Variants in TRPM2 observed in about 807,000 individuals in gnomAD.
TRPM2 encodes the protein estrogen-responsive element-associated gene 1 protein.
Under a neutral mutation model 174.0 loss-of-function variants are expected in TRPM2, and 161 were observed. The observed-to-expected ratio is 0.93, with a 90% CI of 0.81 to 1.05. TRPM2 has a LOEUF of 1.05. Ranked by LOEUF, TRPM2 falls within the 50% of genes least tolerant of loss-of-function variation. TRPM2 has a pLI of 0.00. For missense variants in TRPM2, 2,057 were observed against 2,038.0 expected, an observed-to-expected ratio of 1.01 and a Z score of -0.18; for synonymous variants, 954 against 861.3, an observed-to-expected ratio of 1.11 and a Z score of -1.88.
In TRPM2 at chr21:44,440,810, G is replaced by C. The variant is rs373263494; in HGVS notation, c.4291G>C (p.Asp1431His). 2.6e-5 allele frequency: 42 copies of C among 1,613,722 alleles called. No homozygotes were observed. Among genetic ancestry groups the C allele is most frequent in the Non-Finnish European group, 3.3e-5 (39 of 1,179,962 alleles). ...GMEVYKGYMD[D>H]PRNTDNAWIE... ...CCAGGTGTACAAAGGCTACATGGAT[G>C]ACCCGAGGAACACGGACAATGCCTG... The change falls in exon 31 of 32, where the codon GAC (aspartate) becomes CAC (histidine). Residue 1431 changes from aspartate to histidine, a missense_variant. By Grantham distance (81) the Asp-to-His change is moderately conservative. Transcript: ENST00000397928.
At chr21:44,404,337 C>T (rs1397529406) in intron 16 of TRPM2, among the ~76,000 whole-genome samples, 1 of 152,032 alleles carries the variant, frequency 6.6e-6, no homozygotes, top group Non-Finnish European at 1.5e-5. Context: ...CACATGCATA[C>T]ACATACAAAT....
chr21:44,405,726 T>C (rs547552209), intron 17 of TRPM2, among the ~76,000 whole-genome samples, 179 bp from the exon 18 acceptor site: 1 of 152,154 alleles, frequency 6.6e-6, no homozygotes, highest in Admixed American at 6.5e-5. Context: ...TGAAGAAAAG[T>C]GGGAGGCTCT....
chr21:44,433,996 C>G (rs1030765074), intron 27 of TRPM2, among the ~76,000 whole-genome samples: 24 of 152,302 alleles, frequency 1.6e-4, no homozygotes, highest in African/African-American at 5.1e-4. Flanking sequence ...GACGGTAGCG[C>G]AGGCCTGGCT....
intron 13 of TRPM2, among the ~76,000 whole-genome samples, chr21:44,398,282 C>G (rs1166597950): frequency 6.6e-6 from 1 of 151,088 alleles, no homozygotes; most frequent in Admixed American, 6.6e-5. Context: ...CTCACTACAC[C>G]CTCTGCCCTC....
chr21:44,372,823 C>T (rs974729392), intron 5 of TRPM2, among the ~76,000 whole-genome samples: 1 of 152,190 alleles, frequency 6.6e-6, no homozygotes, highest in Admixed American at 6.5e-5. Context: ...GGCTTGGGCA[C>T]CCCCTACCCT....
rs1975084590 is a variant in TRPM2 at position 44,354,254 on chromosome 21, C to T, written c.165+389C>T. Among the ~76,000 whole-genome samples the T allele has an allele frequency of 6.6e-6, 1 of 152,202 alleles. No individual in the cohort carries two copies. Among genetic ancestry groups the T allele is most frequent in the Non-Finnish European group, 1.5e-5 (1 of 68,040 alleles). On this transcript the variant is annotated intron_variant, in intron 1 of 31. Coordinates refer to ENST00000397928, the MANE Select transcript of TRPM2 (RefSeq NM_003307.4). The surrounding 1 kb of genome is among the most constrained non-coding windows in gnomAD (Gnocchi z 4.3). ...CAAAGACACAAGTATGTTGAAAGCA[C>T]ATGGCATCTTGCAGTCCCCTTGCCA... is the stretch of plus-strand genomic sequence containing the variant.
intron 4 of TRPM2, among the ~76,000 whole-genome samples, chr21:44,368,725 C>T (rs950535247): frequency 1.3e-5 from 2 of 152,190 alleles, no homozygotes; most frequent in East Asian, 3.9e-4. Flanking sequence ...AGCCACCGTG[C>T]CCGGCCGGAG....
At chr21:44,418,237 C>A in intron 21 of TRPM2, 129 bp downstream of exon 21, 1 of 1,397,980 alleles carries the variant, frequency 7.2e-7, no homozygotes, top group East Asian at 2.4e-5. Context: ...GGCTGCTGGC[C>A]TTCTGCTGGC....
At chr21:44,380,031 G>T (rs45552343) in intron 8 of TRPM2, among the ~76,000 whole-genome samples, 45 of 152,320 alleles carry the variant, frequency 3.0e-4, no homozygotes, top group African/African-American at 1.0e-3. Context: ...GCTGCAGGCC[G>T]CAGGGACACA....
chr21:44,426,637 G>A, intron 25 of TRPM2, 23 bp from the exon 26 acceptor site: 4 of 1,613,764 alleles, frequency 2.5e-6, no homozygotes, highest in Non-Finnish European at 3.4e-6. Flanking sequence ...AAATCTGAGG[G>A]AAAACTCCCT....
chr21:44,422,423 C>A (rs538530494), intron 22 of TRPM2: 1 of 1,535,614 alleles, frequency 6.5e-7, no homozygotes, highest in Admixed American at 2.0e-5. Flanking sequence ...ATGGCAGGTG[C>A]GGTTAAGCGG....
intron 3 of TRPM2, among the ~76,000 whole-genome samples, chr21:44,365,397 G>A (rs949098533): frequency 3.3e-5 from 5 of 152,228 alleles, no homozygotes; most frequent in African/African-American, 1.2e-4. Context: ...GTTGAGTGGG[G>A]CAGGTCCCGG....
At chr21:44,352,962 C>T (rs145567639), upstream of TRPM2, among the ~76,000 whole-genome samples, 5 of 152,286 alleles carry the variant, frequency 3.3e-5, no homozygotes, top group East Asian at 9.6e-4. Flanking sequence ...TGAGACCAAC[C>T]TGACCAACAT....
intron 5 of TRPM2, among the ~76,000 whole-genome samples, chr21:44,370,790 A>G (rs1011556530): frequency 6.6e-6 from 1 of 152,160 alleles, no homozygotes; most frequent in African/African-American, 2.4e-5. Context: ...CTTTTTACGA[A>G]TTGAAAAACT....
chr21:44,416,350 G>A (rs1044745391), intron 20 of TRPM2: 6 of 152,418 alleles, frequency 3.9e-5, no homozygotes, highest in East Asian at 1.9e-4. Context: ...CTGTCATCTC[G>A]AGGCCAAGGG....
intron 3 of TRPM2, among the ~76,000 whole-genome samples, chr21:44,365,719 C>T (rs1158009901): frequency 2.0e-5 from 3 of 152,138 alleles, no homozygotes; most frequent in Admixed American, 6.5e-5. Flanking sequence ...CGACAGGGGC[C>T]GGTGGTGTGA....
intron 11 of TRPM2, among the ~76,000 whole-genome samples, chr21:44,392,592 C>T (rs1279990093): frequency 6.6e-6 from 1 of 152,040 alleles, no homozygotes; most frequent in Non-Finnish European, 1.5e-5. Flanking sequence ...AAAGAGAACA[C>T]ACCTATCCAC....
intron 12 of TRPM2, 88 bp from the exon 13 acceptor site, chr21:44,397,659 G>A (rs897214261): frequency 5.6e-6 from 8 of 1,436,328 alleles, no homozygotes; most frequent in Non-Finnish European, 7.4e-6. Context: ...CCCGGGCCTC[G>A]TTTTCATCAC....
chr21:44,365,255 TGGGTGCCACTGTCCTGGAGGTGGGGA>T (rs1435290389), intron 3 of TRPM2, among the ~76,000 whole-genome samples: 1 of 152,232 alleles, frequency 6.6e-6, no homozygotes, highest in Non-Finnish European at 1.5e-5. Context: ...AGACAGTGAT[TGGGTGCCACTGTCCTGGAGGTGGGGA>T]GGGTGGCACT....
Sources: allele counts gnomAD v4.1 joint callset (sites outside exome capture counted in the v4.1 genomes callset), GRCh38; gene constraint gnomAD v4.1.1; non-coding constraint Gnocchi (gnomAD v3.1); transcripts MANE v1.5; gene names NCBI Gene and HGNC (gene_info 2026-07-23, HGNC 2026-07-21).